GRID2: variants seen among roughly 807,000 people sequenced by gnomAD.
GRID2 encodes glutamate ionotropic receptor delta type subunit 2, also known as glutamate receptor ionotropic, delta-2.
A neutral mutation model predicts 114.8 loss-of-function variants in GRID2; 33 were observed. That is an observed-to-expected ratio of 0.29 (90% CI 0.22 to 0.38). The LOEUF (loss-of-function observed/expected upper bound fraction) is 0.38. GRID2 is among the 10% of genes least tolerant of loss of function. The pLI is 1.00. For missense variants in GRID2, 1,184 were observed against 1,257.7 expected, an observed-to-expected ratio of 0.94 and a Z score of 0.89; for synonymous variants, 505 against 449.9, an observed-to-expected ratio of 1.12 and a Z score of -1.55.
chr4:92,977,182 A>C (rs1323932043), intron 2 of GRID2, among the ~76,000 whole-genome samples: 1 of 152,196 alleles, frequency 6.6e-6, no homozygotes, highest in African/African-American at 2.4e-5. Context: ...ACTATGCAGG[A>C]AGCTAACAAG....
exon 2 of GRID2, chr4:93,808,033 C>G (rs1169423141): frequency 6.6e-6 from 1 of 152,094 alleles, no homozygotes; most frequent in Non-Finnish European, 1.5e-5. Context: ...CCAAAGCAAC[C>G]TAAAAGATTA....
intron 14 of GRID2, among the ~76,000 whole-genome samples, chr4:93,732,758 G>A (rs1730597515): frequency 6.6e-6 from 1 of 152,042 alleles, no homozygotes; most frequent in Non-Finnish European, 1.5e-5. Flanking sequence ...TCCATCAGCA[G>A]CTAATGGTCA....
intron 2 of GRID2, among the ~76,000 whole-genome samples, chr4:92,644,701 TATTG>T (rs1459964592): frequency 2.0e-5 from 3 of 151,660 alleles, no homozygotes; most frequent in Non-Finnish European, 4.4e-5. Context: ...TTCAAATACT[TATTG>T]ATAATGGACA....
chr4:93,648,225 A>G (rs1722284119), intron 14 of GRID2, among the ~76,000 whole-genome samples: 1 of 152,226 alleles, frequency 6.6e-6, no homozygotes, highest in South Asian at 2.1e-4. Flanking sequence ...TTGTAATGAC[A>G]TCAAGAAGTC....
chr4:92,779,547 G>A (rs1308360185), intron 2 of GRID2, among the ~76,000 whole-genome samples: 1 of 152,024 alleles, frequency 6.6e-6, no homozygotes, highest in Non-Finnish European at 1.5e-5. Flanking sequence ...AAAGCATCAG[G>A]AAGCAGGTTT....
intron 14 of GRID2, among the ~76,000 whole-genome samples, chr4:93,628,488 C>T (rs1742933743): frequency 6.6e-6 from 1 of 151,876 alleles, no homozygotes; most frequent in Admixed American, 6.6e-5. Context: ...GGAACTTGAC[C>T]TTGATGGGGC....
intron 4 of GRID2, among the ~76,000 whole-genome samples, chr4:93,147,321 C>G (rs977834110): frequency 1.3e-5 from 2 of 152,078 alleles, no homozygotes; most frequent in Non-Finnish European, 2.9e-5. Flanking sequence ...TAATGCCTAC[C>G]ATTCTAGAAA....
At chr4:93,781,990 T>C (rs111964550) in intron 1 of GRID2, among the ~76,000 whole-genome samples, 142 of 152,280 alleles carry the variant, frequency 9.3e-4, no homozygotes, top group African/African-American at 3.3e-3. Context: ...GATTGTTAGA[T>C]TACTCTTCCT....
intron 2 of GRID2, among the ~76,000 whole-genome samples, chr4:92,872,565 G>A (rs1260404489): frequency 1.3e-5 from 2 of 150,654 alleles, no homozygotes; most frequent in African/African-American, 2.4e-5. Flanking sequence ...ATTTTAATTT[G>A]AAAAAAAAAT....
intron 10 of GRID2, among the ~76,000 whole-genome samples, chr4:93,447,820 C>T (rs1213413769): frequency 6.6e-6 from 1 of 150,940 alleles, no homozygotes; most frequent in Non-Finnish European, 1.5e-5. Context: ...AAATCACATA[C>T]AAAAAAAGAA....
intron 2 of GRID2, among the ~76,000 whole-genome samples, chr4:92,899,315 A>C (rs995441545): frequency 4.0e-5 from 6 of 151,712 alleles, no homozygotes; most frequent in Admixed American, 1.3e-4. Flanking sequence ...TTCCGAAAAA[A>C]TTTAGCTATA....
chr4:92,816,338 A>T (rs1389768503), intron 2 of GRID2, among the ~76,000 whole-genome samples: 1 of 151,518 alleles, frequency 6.6e-6, no homozygotes, highest in Non-Finnish European at 1.5e-5. Context: ...AAAAAAAAAA[A>T]AAAGTACATT....
At chr4:93,622,866 A>G (rs1742336993) in intron 13 of GRID2, among the ~76,000 whole-genome samples, 1 of 152,096 alleles carries the variant, frequency 6.6e-6, no homozygotes, top group Admixed American at 6.5e-5. Flanking sequence ...CTTTACCTTT[A>G]TGTTTTGATA....
intron 4 of GRID2, among the ~76,000 whole-genome samples, chr4:93,127,591 T>G (rs1734394622): frequency 6.6e-6 from 1 of 152,192 alleles, no homozygotes; most frequent in Admixed American, 6.5e-5. Flanking sequence ...ACCTAGGGGA[T>G]AGATGCAAGT....
intron 2 of GRID2, among the ~76,000 whole-genome samples, chr4:92,671,018 A>T (rs949863059): frequency 2.0e-5 from 3 of 152,162 alleles, no homozygotes. Flanking sequence ...TAACTGTATT[A>T]GTCTGTTCTC....
At chr4:92,747,287 T>C (rs1737197265) in intron 2 of GRID2, among the ~76,000 whole-genome samples, 1 of 152,114 alleles carries the variant, frequency 6.6e-6, no homozygotes, top group East Asian at 1.9e-4. Context: ...TCTAATTTTT[T>C]ATATATGCTT....
intron 1 of GRID2, among the ~76,000 whole-genome samples, chr4:92,451,439 G>A (rs989404353): frequency 2.6e-5 from 4 of 152,024 alleles, no homozygotes; most frequent in Admixed American, 2.6e-4. Flanking sequence ...TTGACCACTA[G>A]GCATTTACAT....
At chr4:92,492,512 A>G (rs998247431) in intron 1 of GRID2, among the ~76,000 whole-genome samples, 1 of 152,186 alleles carries the variant, frequency 6.6e-6, no homozygotes, top group African/African-American at 2.4e-5. Flanking sequence ...TAGCATCCAC[A>G]TATTCCATTA....
At chr4:92,903,725 T>A (rs1284917184) in intron 2 of GRID2, among the ~76,000 whole-genome samples, 1 of 151,934 alleles carries the variant, frequency 6.6e-6, no homozygotes, top group African/African-American at 2.4e-5. Context: ...TGAGGCGAGT[T>A]GATAAGTCTA....
Sources: allele counts gnomAD v4.1 joint callset (sites outside exome capture counted in the v4.1 genomes callset), GRCh38; gene constraint gnomAD v4.1.1; transcripts MANE v1.5; gene names NCBI Gene and HGNC (gene_info 2026-07-23, HGNC 2026-07-21).